The following PACSIN2 variants were observed in gnomAD, a reference collection of about 807,000 sequenced individuals.
The protein encoded by PACSIN2 is protein kinase C and casein kinase substrate in neurons 2, also known as protein kinase C and casein kinase substrate in neurons protein 2.
In PACSIN2, 25 loss-of-function variants were observed where a neutral mutation model predicts 63.8. That is an observed-to-expected ratio of 0.39 (90% CI 0.29 to 0.55). The LOEUF (loss-of-function observed/expected upper bound fraction) is 0.55. Among genes scored for constraint, PACSIN2 ranks in the 20% least tolerant of loss-of-function variants. The pLI is 0.62. For missense variants in PACSIN2, 518 were observed against 646.9 expected (o/e 0.80, Z 2.16); for synonymous variants, 255 against 256.2 (o/e 1.00, Z 0.05).
chr22:42,927,531 G>A (rs1160615262), intron 1 of PACSIN2, among the ~76,000 whole-genome samples: 2 of 152,122 alleles, frequency 1.3e-5, no homozygotes, highest in East Asian at 3.9e-4. Flanking sequence ...TTACAGGCGT[G>A]AGCCACCACG....
intron 1 of PACSIN2, among the ~76,000 whole-genome samples, chr22:43,012,710 C>T (rs1035448007): frequency 2.6e-5 from 4 of 151,184 alleles, no homozygotes; most frequent in African/African-American, 7.3e-5. Flanking sequence ...TGGAGTGCAA[C>T]GGCCGGATCT....
chr22:42,975,589 C>T (rs1921641774), intron 1 of PACSIN2, among the ~76,000 whole-genome samples: 3 of 145,058 alleles, frequency 2.1e-5, no homozygotes, highest in African/African-American at 5.1e-5. Flanking sequence ...ATATTATTTA[C>T]AGATACATGT....
At chr22:42,876,008 G>C (rs1928585669) in intron 10 of PACSIN2, 129 bp downstream of exon 10, 1 of 729,046 alleles carries the variant, frequency 1.4e-6, no homozygotes, top group Non-Finnish European at 2.2e-6. Flanking sequence ...CAGGGCACTG[G>C]GGAAGGGCCT....
At chr22:42,924,887 G>T (rs966898824) in intron 1 of PACSIN2, among the ~76,000 whole-genome samples, 7 of 151,754 alleles carry the variant, frequency 4.6e-5, no homozygotes, top group Admixed American at 2.0e-4. Context: ...CTCCCAAGTA[G>T]CTGGGACTAC....
chr22:42,950,513 C>T (rs982598520), intron 1 of PACSIN2, among the ~76,000 whole-genome samples: 3 of 118,180 alleles, frequency 2.5e-5, no homozygotes, highest in African/African-American at 9.7e-5. Context: ...GGTGGACTGA[C>T]GATTCACGCT....
chr22:42,975,405 G>T (rs1260404032), intron 1 of PACSIN2, among the ~76,000 whole-genome samples: 1 of 149,382 alleles, frequency 6.7e-6, no homozygotes, highest in African/African-American at 2.5e-5. Context: ...AATTGCTCGA[G>T]CTCAGGAGTT....
chr22:42,971,392 T>C (rs1453775069), intron 1 of PACSIN2, among the ~76,000 whole-genome samples: 1 of 152,216 alleles, frequency 6.6e-6, no homozygotes, highest in Non-Finnish European at 1.5e-5. Context: ...CAGTGCTCTA[T>C]GTTGCCCAGG....
chr22:42,936,615 A>C (rs547732295), intron 1 of PACSIN2, among the ~76,000 whole-genome samples: 2 of 152,294 alleles, frequency 1.3e-5, no homozygotes, highest in South Asian at 4.1e-4. Context: ...AAGCAGAAAT[A>C]AAGATGGGGT....
intron 8 of PACSIN2, among the ~76,000 whole-genome samples, chr22:42,878,836 G>A (rs1204783481): frequency 6.7e-6 from 1 of 150,304 alleles, no homozygotes; most frequent in Non-Finnish European, 1.5e-5. Flanking sequence ...CAGGCAGGAA[G>A]ACGACCTTCC....
chr22:42,982,888 A>AAAAAACAAAAAAAAAC (rs759532303), intron 1 of PACSIN2, among the ~76,000 whole-genome samples: 1 of 105,158 alleles, frequency 9.5e-6, no homozygotes, highest in Non-Finnish European at 2.1e-5. Context: ...AAAAAAAAAA[A>AAAAAACAAAAAAAAAC]AACAACAACA....
In PACSIN2 at chr22:42,871,677, A is replaced by G. The variant is rs2146614847; in HGVS notation, c.1349-208T>C. Among the ~76,000 whole-genome samples, 1 of 152,138 alleles carries G rather than the reference A, an allele frequency of 6.6e-6. No individual in the cohort carries two copies. The highest frequency in any genetic ancestry group is 1.5e-5 in the Non-Finnish European group (1 of 68,002). ...GGCCTCTGACAGACCTAGAGATGAC[A>G]GTCTCACACAGTAATTTGGAACAAG... On this transcript the variant is annotated intron_variant, in intron 10 of 10. Coordinates refer to ENST00000263246, the MANE Select transcript of PACSIN2 (RefSeq NM_001184970.3). This position sits in a 1 kb window ranked among gnomAD's most constrained non-coding sequence, Gnocchi z 5.4.
intron 6 of PACSIN2, among the ~76,000 whole-genome samples, chr22:42,882,561 T>C (rs949656699): frequency 2.0e-5 from 3 of 152,304 alleles, no homozygotes; most frequent in African/African-American, 7.2e-5. Flanking sequence ...GTGTCACATA[T>C]GCAAAAGGCA....
intron 1 of PACSIN2, among the ~76,000 whole-genome samples, chr22:42,971,029 C>T (rs527251447): frequency 6.6e-6 from 1 of 152,342 alleles, no homozygotes; most frequent in Non-Finnish European, 1.5e-5. Flanking sequence ...TGAGGGTCTG[C>T]AGGCTAACGC....
At chr22:42,938,790 A>G (rs991968532) in intron 1 of PACSIN2, among the ~76,000 whole-genome samples, 3 of 152,230 alleles carry the variant, frequency 2.0e-5, no homozygotes, top group African/African-American at 7.2e-5. Context: ...GTGCTCAAGT[A>G]ACAAGAGAAG....
chr22:42,913,992 C>CA (rs1322888364), intron 1 of PACSIN2, among the ~76,000 whole-genome samples: 1 of 152,244 alleles, frequency 6.6e-6, no homozygotes, highest in Admixed American at 6.5e-5. Context: ...ACAAAGTCCA[C>CA]AACAGATAAC....
At chr22:42,982,888 A>AAACAACAACAAC (rs1555943703) in intron 1 of PACSIN2, among the ~76,000 whole-genome samples, 1 of 105,158 alleles carries the variant, frequency 9.5e-6, no homozygotes, top group South Asian at 3.5e-4. Flanking sequence ...AAAAAAAAAA[A>AAACAACAACAAC]AACAACAACA....
chr22:42,891,143 A>G lies in PACSIN2; in HGVS notation c.257T>C (p.Phe86Ser), dbSNP rs1255829303. Residue 86 changes from phenylalanine to serine, a missense_variant, in exon 4 of 11, where the codon TTC (phenylalanine) becomes TCC (serine). Coordinates refer to ENST00000263246, the MANE Select transcript of PACSIN2 (RefSeq NM_001184970.3). ...YGTVEKAWMA[F>S]MSEAERVSEL... The stretch of plus-strand genomic sequence containing the variant: ...GCTCACCCTCTCTGCCTCGGACATG[A>G]AGGCCATCCAGGCCTTCTCCACGGT... The G allele has an allele frequency of 6.2e-7, 1 of 1,613,906 alleles. No homozygotes were observed.
chr22:42,931,869 G>A (rs1932785103), intron 1 of PACSIN2, among the ~76,000 whole-genome samples: 1 of 152,158 alleles, frequency 6.6e-6, no homozygotes, highest in African/African-American at 2.4e-5. Context: ...AAGGAACACA[G>A]GTGGTATTAA....
At chr22:42,978,730 T>C (rs1247077825) in intron 1 of PACSIN2, among the ~76,000 whole-genome samples, 1 of 152,202 alleles carries the variant, frequency 6.6e-6, no homozygotes, top group Non-Finnish European at 1.5e-5. Context: ...TTCAAAAGTA[T>C]GTTTGCATCC....
Sources: allele counts gnomAD v4.1 joint callset (sites outside exome capture counted in the v4.1 genomes callset), GRCh38; gene constraint gnomAD v4.1.1; non-coding constraint Gnocchi (gnomAD v3.1); transcripts MANE v1.5; gene names NCBI Gene and HGNC (gene_info 2026-07-23, HGNC 2026-07-21).